UBR4: variants seen among roughly 807,000 people sequenced by gnomAD.
The protein encoded by UBR4 is E3 ubiquitin-protein ligase UBR4.
In UBR4, 124 loss-of-function variants were observed where a neutral mutation model predicts 575.6. The observed-to-expected ratio is 0.22, with a 90% CI of 0.19 to 0.25. UBR4 has a LOEUF of 0.25. Ranked by LOEUF, UBR4 falls within the 10% of genes least tolerant of loss-of-function variation. The probability of loss-of-function intolerance (pLI) is 1.00; values close to 1 mark genes in which losing one functional copy is unlikely to be tolerated. For missense variants in UBR4, 4,818 were observed against 6,478.8 expected, an observed-to-expected ratio of 0.74 and a Z score of 8.80; for synonymous variants, 2,455 against 2,473.7, an observed-to-expected ratio of 0.99 and a Z score of 0.22.
chr1:19,143,253 AG>A (rs2084270624), intron 55 of UBR4, among the ~76,000 whole-genome samples: 3 of 101,992 alleles, frequency 2.9e-5, no homozygotes, highest in African/African-American at 1.1e-4. Context: ...GAAGGAAGGA[AG>A]GAAGGAAGAA....
rs540380458 is a variant in UBR4 at position 19,158,224 on chromosome 1, T to C, written c.5578-227A>G. ...AAAGCTAAACTTAAATACAAAGTAC[T>C]GGTCTTTTAAAAAAATGTTAAAATG... On this transcript the variant is annotated intron_variant, in intron 39 of 105. Coordinates refer to ENST00000375254, the MANE Select transcript of UBR4 (RefSeq NM_020765.3). Among the ~76,000 whole-genome samples the C allele has an allele frequency of 4.0e-3, 603 of 152,194 alleles. 4 individuals are homozygous for C. The highest frequency in any genetic ancestry group is 0.013 in the African/African-American group (536 of 41,560).
chr1:19,143,593 T>C (rs1294635150), intron 55 of UBR4, among the ~76,000 whole-genome samples: 2 of 152,342 alleles, frequency 1.3e-5, no homozygotes, highest in Admixed American at 6.5e-5. Flanking sequence ...GAAGAGCTTC[T>C]ATCCCAAGAA....
At chr1:19,140,150 A>G (rs556171029) in intron 58 of UBR4, among the ~76,000 whole-genome samples, 1 of 152,176 alleles carries the variant, frequency 6.6e-6, no homozygotes, top group East Asian at 1.9e-4. Flanking sequence ...CTATAAATCA[A>G]CCCTTAAATT....
chr1:19,197,850 T>C, intron 6 of UBR4, 39 bp from the exon 7 acceptor site: 2 of 1,611,920 alleles, frequency 1.2e-6, no homozygotes, highest in Non-Finnish European at 8.5e-7. Flanking sequence ...AACAGGCCTT[T>C]GTCTGATGCT....
chr1:19,168,821 C>G (rs1283147393), intron 27 of UBR4, among the ~76,000 whole-genome samples: 1 of 151,738 alleles, frequency 6.6e-6, no homozygotes, highest in Non-Finnish European at 1.5e-5. Context: ...ACTAAAAATA[C>G]AAAAAAATTA....
At chr1:19,207,153 G>A (rs573736753) in intron 1 of UBR4, among the ~76,000 whole-genome samples, 27 of 152,332 alleles carry the variant, frequency 1.8e-4, no homozygotes, top group Non-Finnish European at 2.6e-4. Flanking sequence ...CCAGGAAACT[G>A]CAGAAGATGG....
Position 19,088,017 on chromosome 1 carries a change from C to A in UBR4, c.14431-88G>T. ...GGAGATGCTCAGGAACAGGGCTAACCTTCTACCTCCACTAAAAGGACAGGT... is the reference window on the plus strand; with the variant it reads ...GGAGATGCTCAGGAACAGGGCTAACATTCTACCTCCACTAAAAGGACAGGT... On this transcript the variant is annotated intron_variant, in intron 98 of 105. Transcript: ENST00000375254. This position sits in a 1 kb window ranked among gnomAD's most constrained non-coding sequence, Gnocchi z 4.0. 3 of 994,370 alleles carry A rather than the reference C, an allele frequency of 3.0e-6. No homozygotes were observed. The highest frequency in any genetic ancestry group is 1.5e-6 in the Non-Finnish European group (1 of 646,270). 61.6% of individuals were successfully genotyped at this position (994,370 alleles called of 1,614,324 possible). A position where few individuals can be genotyped will look rare whatever the true frequency, so the allele number is the denominator to read the frequency against.
Position 19,094,131 on chromosome 1 carries a change from G to A in UBR4, c.13755C>T (p.Leu4585=), listed in dbSNP as rs370973842. Residue 4585 remains leucine, a synonymous_variant, in exon 95 of 106, where the codon CTC becomes CTT. Coordinates refer to ENST00000375254, the MANE Select transcript of UBR4 (RefSeq NM_020765.3). ...AEPLSEDKGN[L]LLTGDKDQLV... ...GTTGATCCTTGTCACCTGTCAGGAG[G>A]AGGTTGCCCTGCAACAGAAAAGAGG... The A allele has an allele frequency of 1.2e-6, 2 of 1,613,062 alleles. No homozygotes were observed. Among genetic ancestry groups the A allele is most frequent in the African/African-American group, 1.3e-5 (1 of 74,996 alleles).
intron 90 of UBR4, among the ~76,000 whole-genome samples, chr1:19,099,038 A>G (rs1032145266): frequency 9.2e-5 from 14 of 152,196 alleles, no homozygotes; most frequent in African/African-American, 3.4e-4. Flanking sequence ...TAATACTTCC[A>G]TAAGTGGACA....
Position 19,165,649 on chromosome 1 carries a change from G to A in UBR4, c.4211+7C>T, listed in dbSNP as rs752740709. ...ATATTCACTGAATAAAGCAAAACAC[G>A]GCTCACCTGTCAGAGAAAAACTCCT... On this transcript the variant is annotated splice_region_variant and intron_variant, in intron 30 of 105. Coordinates refer to ENST00000375254, the MANE Select transcript of UBR4 (RefSeq NM_020765.3). The A allele has an allele frequency of 8.7e-6, 14 of 1,612,058 alleles. No individual in the cohort carries two copies. Among genetic ancestry groups the A allele is most frequent in the Non-Finnish European group, 1.1e-5 (13 of 1,179,418 alleles).
At position 19,197,792 on chromosome 1, in the gene UBR4, C is replaced by G. The variant is rs751108826; in HGVS notation, c.771G>C (p.Leu257=). ...LQELGGSEKL[L]RVCLNLPYFL... is the part of the protein sequence containing the mutation. Reference sequence around the variant, plus strand: ...AATATGGCAGGTTCAAACATACACGCAGTAGCTTCTCCGAGCCACCTAAAT... The same window carrying G: ...AATATGGCAGGTTCAAACATACACGGAGTAGCTTCTCCGAGCCACCTAAAT... The change falls in exon 7 of 106, where the codon CTG becomes CTC. Residue 257 remains leucine, a synonymous_variant. Transcript: ENST00000375254. 8.2e-5 allele frequency: 133 copies of G among 1,614,032 alleles called. No homozygotes were observed. The highest frequency in any genetic ancestry group is 1.0e-4 in the Non-Finnish European group (119 of 1,180,028).
At chr1:19,192,586 T>C in intron 9 of UBR4, 46 bp from the exon 10 acceptor site, 2 of 1,606,912 alleles carry the variant, frequency 1.2e-6, no homozygotes, top group Non-Finnish European at 1.7e-6. Flanking sequence ...AGCTGACAGA[T>C]TTCATCATAA....
At chr1:19,208,977 C>A (rs1234313599) in intron 1 of UBR4, among the ~76,000 whole-genome samples, 1 of 152,200 alleles carries the variant, frequency 6.6e-6, no homozygotes, top group Non-Finnish European at 1.5e-5. Flanking sequence ...ATAGCAAAAT[C>A]CGTCTGTAAA....
chr1:19,197,841 A>G (rs1207098605), intron 6 of UBR4, 30 bp from the exon 7 acceptor site: 1 of 1,613,548 alleles, frequency 6.2e-7, no homozygotes, highest in East Asian at 2.2e-5. Flanking sequence ...AACCTTACAA[A>G]CAGGCCTTTG....
rs115352108 is a variant in UBR4 at position 19,108,465 on chromosome 1, A to C, written c.12106-1499T>G. Among the ~76,000 whole-genome samples the C allele has an allele frequency of 3.0e-3, 457 of 152,288 alleles. 2 individuals are homozygous for C. Among genetic ancestry groups the C allele is most frequent in the African/African-American group, 0.011 (445 of 41,556 alleles). On this transcript the variant is annotated intron_variant, in intron 81 of 105. Transcript: ENST00000375254. ...TCTCACACAAGTGCCTTTTCTCAGC[A>C]CAACTGCTGTACTTGGGGTGCAGCA...
chr1:19,129,088 G>A lies in UBR4; in HGVS notation c.8907-14C>T, dbSNP rs368765367. The stretch of plus-strand genomic sequence containing the variant: ...ACCATGTGCAGCCTAAAAGGGTGGG[G>A]AAAAGATAGAAAATATGAGCTGTAC... On this transcript the variant is annotated splice_polypyrimidine_tract_variant and intron_variant, in intron 60 of 105. Coordinates refer to ENST00000375254, the MANE Select transcript of UBR4 (RefSeq NM_020765.3). The A allele has an allele frequency of 3.7e-6, 6 of 1,609,344 alleles. No homozygotes were observed.
At position 19,193,400 on chromosome 1, in the gene UBR4, C is replaced by T. The variant is rs2092250801; in HGVS notation, c.1143+33G>A. 1.9e-6 allele frequency: 3 copies of T among 1,608,830 alleles called. 1 individual carries two copies. The highest frequency in any genetic ancestry group is 1.3e-5 in the African/African-American group (1 of 74,896). On this transcript the variant is annotated intron_variant, in intron 9 of 105. Coordinates refer to ENST00000375254, the MANE Select transcript of UBR4 (RefSeq NM_020765.3). ...GGCCATACTCCCTCATTTGAACAAT[C>T]AAGGTTCCCTTATCCCCAGATCTTT...
chr1:19,093,585 A>C lies in UBR4; in HGVS notation c.13938-99T>G. ...AACTGTCAACAGCCTATAGAAGATC[A>C]AGGCTAAATTCCCTAACGTGACACA... On this transcript the variant is annotated intron_variant, in intron 95 of 105. Transcript: ENST00000375254. The surrounding 1 kb of genome is among the most constrained non-coding windows in gnomAD (Gnocchi z 4.8). The C allele has an allele frequency of 3.8e-5, 50 of 1,329,550 alleles. No homozygotes were observed. Among genetic ancestry groups the C allele is most frequent in the Non-Finnish European group, 4.4e-5 (42 of 963,098 alleles). 82.4% of individuals were successfully genotyped at this position (1,329,550 alleles called of 1,614,324 possible). A position where few individuals can be genotyped will look rare whatever the true frequency, so the allele number is the denominator to read the frequency against.
chr1:19,182,528 T>C (rs1057217891), intron 17 of UBR4, among the ~76,000 whole-genome samples: 2 of 152,158 alleles, frequency 1.3e-5, no homozygotes, highest in African/African-American at 4.8e-5. Flanking sequence ...CTATATGTAA[T>C]TTTTGCAGAA....
Sources: gnomAD v4.1 joint callset for allele counts (sites outside exome capture counted in the v4.1 genomes callset) on GRCh38, gnomAD v4.1.1 for gene constraint, Gnocchi (gnomAD v3.1) non-coding constraint, MANE v1.5 for transcripts, NCBI Gene and HGNC (gene_info 2026-07-23, HGNC 2026-07-21) for gene names.